The following ETFA variants were observed in gnomAD, a reference collection of about 807,000 sequenced individuals.
ETFA encodes the protein electron transfer flavoprotein subunit alpha.
Under a neutral mutation model 46.2 loss-of-function variants are expected in ETFA, and 22 were observed. The observed-to-expected ratio is 0.48, with a 90% confidence interval of 0.34 to 0.68. The LOEUF (loss-of-function observed/expected upper bound fraction) is 0.68, where lower values mean the gene tolerates loss of function less well. ETFA is among the 30% of genes least tolerant of loss of function. The probability of loss-of-function intolerance (pLI) is 0.01; values close to 1 mark genes in which losing one functional copy is unlikely to be tolerated. For missense variants in ETFA, 345 were observed against 401.1 expected, an observed-to-expected ratio of 0.86 and a Z score of 1.19; for synonymous variants, 131 against 139.9, an observed-to-expected ratio of 0.94 and a Z score of 0.45.
At chr15:76,246,716 C>T (rs1245272407) in intron 9 of ETFA, among the ~76,000 whole-genome samples, 1 of 151,894 alleles carries the variant, frequency 6.6e-6, no homozygotes, top group Non-Finnish European at 1.5e-5. Flanking sequence ...ACCTGTAGTC[C>T]CAGCTACTCG....
chr15:76,255,062 A>G (rs931212415), intron 9 of ETFA, among the ~76,000 whole-genome samples: 56 of 152,346 alleles, frequency 3.7e-4, no homozygotes, highest in Admixed American at 3.1e-3. Context: ...AATAGAGAAG[A>G]CTAACTTTCT....
intron 4 of ETFA, among the ~76,000 whole-genome samples, chr15:76,290,048 G>C (rs2039744075): frequency 6.6e-6 from 1 of 152,126 alleles, no homozygotes. Flanking sequence ...TCACCCATCA[G>C]ACTGGAGGAA....
chr15:76,295,185 T>C (rs1465950857), intron 2 of ETFA, among the ~76,000 whole-genome samples: 1 of 152,204 alleles, frequency 6.6e-6, no homozygotes, highest in Non-Finnish European at 1.5e-5. Flanking sequence ...TACTTAACAT[T>C]CAAATTCTTC....
intron 11 of ETFA, among the ~76,000 whole-genome samples, chr15:76,224,438 A>G (rs1022987898): frequency 1.3e-5 from 2 of 152,234 alleles, no homozygotes; most frequent in Non-Finnish European, 2.9e-5. Flanking sequence ...CCAGAGCAAG[A>G]GCCCCATCCT....
rs555890882 is a variant in ETFA, at chr15:76,305,808, T to C, written c.39+5542A>G. ...TCCAAAGTCACCAAAAACTTCATTA[T>C]GGCTAAGTCCAATGAACACATTTTG... On this transcript the variant is annotated intron_variant, in intron 1 of 11. Transcript: ENST00000557943. Among the ~76,000 whole-genome samples, 26 of 152,270 alleles carry C rather than the reference T, an allele frequency of 1.7e-4. 1 individual carries two copies. In the Middle Eastern group the frequency reaches 0.02, roughly 120 times the overall value.
At position 76,259,483 on chromosome 15, in the gene ETFA, G is replaced by A. The variant is rs2039379963; in HGVS notation, c.816+14929C>T. 4.6e-6 allele frequency: 4 copies of A among 865,390 alleles called. 1 individual carries two copies. In the Middle Eastern group the frequency reaches 6.5e-4, roughly 140 times the overall value. 53.6% of individuals were successfully genotyped at this position (865,390 alleles called of 1,614,324 possible). A position where few individuals can be genotyped will look rare whatever the true frequency, so the allele number is the denominator to read the frequency against. On this transcript the variant is annotated intron_variant, in intron 9 of 11. Transcript: ENST00000557943. ...TGTTTCAGGTGATTCCCGCCAATGAGGTAGTTGTAAATCTCAGTGTTTTCG... is the reference window on the plus strand; with the variant it reads ...TGTTTCAGGTGATTCCCGCCAATGAAGTAGTTGTAAATCTCAGTGTTTTCG...
At chr15:76,280,220 T>A (rs533081763) in intron 8 of ETFA, among the ~76,000 whole-genome samples, 1 of 152,140 alleles carries the variant, frequency 6.6e-6, no homozygotes, top group African/African-American at 2.4e-5. Flanking sequence ...TTAACTGACA[T>A]GTCTACTCAG....
chr15:76,260,063 T>C (rs111604022), intron 9 of ETFA: 281,083 of 1,406,288 alleles, frequency 0.2, 1,994 homozygotes, highest in Middle Eastern at 0.23. Flanking sequence ...AGCATCTTCA[T>C]AGCCACTTTC....
intron 9 of ETFA, 197 bp downstream of exon 9, chr15:76,274,215 C>G: frequency 1.8e-6 from 1 of 571,320 alleles, no homozygotes; most frequent in African/African-American, 1.9e-5. Context: ...GAATAATAAG[C>G]TGGATTTAAG....
chr15:76,278,818 T>A (rs1261149827), intron 8 of ETFA, among the ~76,000 whole-genome samples: 1 of 152,224 alleles, frequency 6.6e-6, no homozygotes. Context: ...CCTGCAGCTA[T>A]GTCCACATTG....
chr15:76,273,950 G>A (rs949608564), intron 9 of ETFA, among the ~76,000 whole-genome samples: 5 of 152,016 alleles, frequency 3.3e-5, no homozygotes, highest in Admixed American at 6.6e-5. Context: ...GATACTATAA[G>A]ACAAAATACA....
Position 76,254,429 on chromosome 15 carries a change from C to T in ETFA, c.816+19983G>A, listed in dbSNP as rs112837431. The stretch of plus-strand genomic sequence containing the variant: ...CAGCCAAGTTAACTGCCTGCTAAAA[C>T]ACAAAGTTAATATTCTTAATAGGAA... On this transcript the variant is annotated intron_variant, in intron 9 of 11. Transcript: ENST00000557943. 1.3e-3 allele frequency among the ~76,000 whole-genome samples: 195 copies of T among 152,250 alleles called. 2 individuals are homozygous for T. In the Middle Eastern group the frequency reaches 0.014, roughly 11 times the overall value.
intron 8 of ETFA, 112 bp downstream of exon 8, chr15:76,283,645 G>T: frequency 1.2e-6 from 1 of 823,906 alleles, no homozygotes; most frequent in Non-Finnish European, 2.0e-6. Flanking sequence ...TGAAAAATCC[G>T]GAAAAGTAAA....
At chr15:76,246,236 T>C (rs1452723173) in intron 9 of ETFA, among the ~76,000 whole-genome samples, 2 of 152,194 alleles carry the variant, frequency 1.3e-5, no homozygotes, top group Non-Finnish European at 2.9e-5. Context: ...ATTATCACCA[T>C]TGTATAGTTG....
chr15:76,226,797 T>C (rs2039008933), intron 10 of ETFA, among the ~76,000 whole-genome samples: 1 of 152,128 alleles, frequency 6.6e-6, no homozygotes, highest in South Asian at 2.1e-4. Flanking sequence ...GAGAATGGCG[T>C]GAACCCAGGA....
chr15:76,226,771 C>T (rs1433840433), intron 10 of ETFA, among the ~76,000 whole-genome samples: 3 of 150,308 alleles, frequency 2.0e-5, no homozygotes, highest in Non-Finnish European at 4.4e-5. Context: ...CCAAGCTACT[C>T]GGGAGGCTGA....
intron 9 of ETFA, chr15:76,261,246 G>A (rs2039409140): frequency 1.3e-6 from 2 of 1,569,054 alleles, no homozygotes; most frequent in Middle Eastern, 1.8e-4. Flanking sequence ...GTTGGAAAGG[G>A]GCATTGGGTG....
At chr15:76,288,492 G>C (rs1462816949) in intron 4 of ETFA, among the ~76,000 whole-genome samples, 1 of 152,044 alleles carries the variant, frequency 6.6e-6, no homozygotes, top group Admixed American at 6.5e-5. Flanking sequence ...ATCACCTGAG[G>C]CCAGGAGTTT....
At chr15:76,275,091 T>C (rs2039578814) in intron 8 of ETFA, among the ~76,000 whole-genome samples, 1 of 152,090 alleles carries the variant, frequency 6.6e-6, no homozygotes, top group African/African-American at 2.4e-5. Flanking sequence ...CACCACTATC[T>C]TGAGTCAGCC....
Sources: allele counts gnomAD v4.1 joint callset (sites outside exome capture counted in the v4.1 genomes callset), GRCh38; gene constraint gnomAD v4.1.1; transcripts MANE v1.5; gene names NCBI Gene and HGNC (gene_info 2026-07-23, HGNC 2026-07-21).